C16orf92: variants seen among roughly 807,000 people sequenced by gnomAD.
The protein encoded by C16orf92 is fertilization-influencing membrane protein 1, also known as fertilization-influencing membrane protein.
A neutral mutation model predicts 13.7 loss-of-function variants in C16orf92; 14 were observed. That is an observed-to-expected ratio of 1.02 (90% confidence interval 0.67 to 1.60). The LOEUF is 1.60. Ranked by LOEUF, C16orf92 falls within the 40% of genes most tolerant of loss-of-function variation. The pLI is 0.00. For missense variants in C16orf92, 116 were observed against 139.0 expected (o/e 0.83, Z 0.83); for synonymous variants, 50 against 57.4 (o/e 0.87, Z 0.58).
Position 30,023,208 on chromosome 16 carries a change from C to T in C16orf92, c.-133C>T. 1.3e-6 allele frequency: 1 copy of T among 745,064 alleles called. No individual in the cohort carries two copies. The highest frequency in any genetic ancestry group is 2.2e-6 in the Non-Finnish European group (1 of 446,142). The allele number at this position is 745,064 out of a possible 1,614,324, so 46.2% of individuals were successfully genotyped here. ...AAGACTGGTCCCAACCTCTCTTCTC[C>T]TCTCCTCTTCTGATGAGAGTGAGGG... is the stretch of plus-strand genomic sequence containing the variant. On this transcript the variant is annotated 5_prime_UTR_variant, in exon 1 of 4. Transcript: ENST00000681219.
chr16:30,024,176 C>T lies in C16orf92; in HGVS notation c.312-30C>T, dbSNP rs567161668. ...CCAGTTCTAGCGGGGCAGGCTGTGA[C>T]CTCTCCCCTCTGATCTCCATGCCCC... On this transcript the variant is annotated intron_variant, in intron 3 of 3. Transcript: ENST00000681219. The T allele has an allele frequency of 5.0e-6, 8 of 1,613,442 alleles. No individual in the cohort carries two copies. The African/African-American group carries it at 8.0e-5, about 16-fold the overall frequency.
chr16:30,026,743 C>T, downstream of C16orf92: 1 of 1,614,154 alleles, frequency 6.2e-7, no homozygotes, highest in Non-Finnish European at 8.5e-7. Flanking sequence ...CCTCCATGCC[C>T]TTTGACCTGG....
chr16:30,023,301 G>A lies in C16orf92; in HGVS notation c.-40G>A, dbSNP rs2070941236. ...CCAAAGTGCCATCAGAACAGCTCTG[G>A]GCTGTGACATCACAGAGCCCCCACC... On this transcript the variant is annotated 5_prime_UTR_variant, in exon 1 of 4. An upstream open reading frame in the 5' UTR gains an earlier in-frame stop. Transcript: ENST00000681219. 2 of 1,556,862 alleles carry A rather than the reference G, an allele frequency of 1.3e-6. No individual in the cohort carries two copies.
chr16:30,026,389 C>T (rs564125210), downstream of C16orf92, among the ~76,000 whole-genome samples: 21 of 152,296 alleles, frequency 1.4e-4, no homozygotes, highest in Non-Finnish European at 2.6e-4. Flanking sequence ...CAAAGAGCCA[C>T]AGCCGGGCAT....
chr16:30,026,302 C>A (rs143199746), downstream of C16orf92, among the ~76,000 whole-genome samples: 1 of 152,152 alleles, frequency 6.6e-6, no homozygotes, highest in Non-Finnish European at 1.5e-5. Flanking sequence ...GCATCCCTCT[C>A]ACGGTCCTGC....
Position 30,024,580 on chromosome 16 carries a change from C to T in C16orf92, c.*353C>T. Reference sequence around the variant, plus strand: ...GTGCAGCCGATGGTGAGGGACTGGGCGCCCTCGCCTGCCCCCGGGGTTGTC... The same window carrying T: ...GTGCAGCCGATGGTGAGGGACTGGGTGCCCTCGCCTGCCCCCGGGGTTGTC... On this transcript the variant is annotated 3_prime_UTR_variant, in exon 4 of 4. Transcript: ENST00000681219. 1 of 331,614 alleles carries T rather than the reference C, an allele frequency of 3.0e-6. No homozygotes were observed. The highest frequency in any genetic ancestry group is 5.5e-6 in the Non-Finnish European group (1 of 180,712). 20.5% of individuals were successfully genotyped at this position (331,614 alleles called of 1,614,324 possible). A position where few individuals can be genotyped will look rare whatever the true frequency, so the allele number is the denominator to read the frequency against.
At position 30,024,409 on chromosome 16, in the gene C16orf92, T is replaced by C. The variant is rs2070993165; in HGVS notation, c.*182T>C. On this transcript the variant is annotated 3_prime_UTR_variant, in exon 4 of 4. Coordinates refer to ENST00000681219, the MANE Select transcript of C16orf92 (RefSeq NM_001109659.2). ...CCTCCCTTCCCAGCCCCAAAGAACT[T>C]GGTGGCAAGGGCCTTGGTGGCGTTC... 1.2e-6 allele frequency: 1 copy of C among 848,512 alleles called. No homozygotes were observed. The highest frequency in any genetic ancestry group is 2.9e-5 in the Admixed American group (1 of 34,360). 52.6% of individuals were successfully genotyped at this position (848,512 alleles called of 1,614,324 possible). A position where few individuals can be genotyped will look rare whatever the true frequency, so the allele number is the denominator to read the frequency against.
At chr16:30,027,232 G>A, downstream of C16orf92, 2 of 456,384 alleles carry the variant, frequency 4.4e-6, no homozygotes, top group Non-Finnish European at 4.4e-6. Context: ...ACCAGCAACA[G>A]CTGAAGGGGC....
At position 30,023,288 on chromosome 16, in the gene C16orf92, C is replaced by T. The variant is rs2070940913; in HGVS notation, c.-53C>T. 4 of 1,523,014 alleles carry T rather than the reference C, an allele frequency of 2.6e-6. No homozygotes were observed. Among genetic ancestry groups the T allele is most frequent in the Non-Finnish European group, 3.6e-6 (4 of 1,117,836 alleles). The allele number at this position is 1,523,014 out of a possible 1,614,324, so 94.3% of individuals were successfully genotyped here. A position where few individuals can be genotyped will look rare whatever the true frequency, so the allele number is the denominator to read the frequency against. On this transcript the variant is annotated 5_prime_UTR_variant, in exon 1 of 4. The change creates a premature stop within an existing upstream ORF in the 5' untranslated region. Coordinates refer to ENST00000681219, the MANE Select transcript of C16orf92 (RefSeq NM_001109659.2). ...TTCTCCCCTCACCCCAAAGTGCCAT[C>T]AGAACAGCTCTGGGCTGTGACATCA...
At chr16:30,025,497 C>T, downstream of C16orf92, 3 of 1,608,904 alleles carry the variant, frequency 1.9e-6, no homozygotes, top group Non-Finnish European at 2.5e-6. The surrounding 1 kb of genome is among the most constrained non-coding windows in gnomAD (Gnocchi z 4.1). Flanking sequence ...GTGGCCACGG[C>T]AGCAGAAGGG....
chr16:30,025,842 G>T (rs763831641), downstream of C16orf92: 2 of 1,599,710 alleles, frequency 1.3e-6, no homozygotes, highest in South Asian at 1.1e-5. The surrounding 1 kb of genome is among the most constrained non-coding windows in gnomAD (Gnocchi z 4.1). Context: ...AGGCAGGAAG[G>T]TGAGGAGCTG....
At chr16:30,026,989 A>C (rs2150977168), downstream of C16orf92, 3 of 730,110 alleles carry the variant, frequency 4.1e-6, no homozygotes, top group Non-Finnish European at 7.3e-6. Flanking sequence ...GAGGGTGAGA[A>C]ACTTGCCCAA....
downstream of C16orf92, chr16:30,026,898 T>A: frequency 6.8e-7 from 1 of 1,478,858 alleles, no homozygotes; most frequent in Non-Finnish European, 9.4e-7. Context: ...ACACCAGTGA[T>A]TGGGGTCAGA....
In C16orf92 at chr16:30,024,040, C is replaced by T. The variant is rs752342527; in HGVS notation, c.265C>T (p.Leu89=). The T allele has an allele frequency of 6.2e-7, 1 of 1,614,086 alleles. No homozygotes were observed. Among genetic ancestry groups the T allele is most frequent in the East Asian group, 2.2e-5 (1 of 44,886 alleles). Residue 89 remains leucine, a synonymous_variant, in exon 3 of 4, where the codon CTG becomes TTG. Coordinates refer to ENST00000681219, the MANE Select transcript of C16orf92 (RefSeq NM_001109659.2). ...GLFHHILVGL[L]VVAFFFLLFQ... is the part of the protein sequence containing the mutation. Reference sequence around the variant, plus strand: ...CTTCCATCACATCCTGGTGGGCTTGCTGGTGGTGGCGTTCTTCTTTCTCCT... The same window carrying T: ...CTTCCATCACATCCTGGTGGGCTTGTTGGTGGTGGCGTTCTTCTTTCTCCT...
At chr16:30,025,982 C>T (rs879307122), downstream of C16orf92, among the ~76,000 whole-genome samples, 6 of 151,412 alleles carry the variant, frequency 4.0e-5, no homozygotes, top group Middle Eastern at 3.4e-3. The surrounding 1 kb of genome is among the most constrained non-coding windows in gnomAD (Gnocchi z 4.1). Context: ...GCCGGTAATC[C>T]CAGCACTTTG....
chr16:30,023,416 T>C lies in C16orf92; in HGVS notation c.64+12T>C. The C allele has an allele frequency of 6.2e-7, 1 of 1,610,634 alleles. No homozygotes were observed. Among genetic ancestry groups the C allele is most frequent in the Non-Finnish European group, 8.5e-7 (1 of 1,178,662 alleles). On this transcript the variant is annotated intron_variant, in intron 1 of 3. Coordinates refer to ENST00000681219, the MANE Select transcript of C16orf92 (RefSeq NM_001109659.2). ...GGCCATAGAAACTGGTAAGAAGCTGTCTTGGGAGCAGCAGGAAGGCAGGCA... is the reference window on the plus strand; with the variant it reads ...GGCCATAGAAACTGGTAAGAAGCTGCCTTGGGAGCAGCAGGAAGGCAGGCA...
chr16:30,027,065 C>T (rs2071175877), downstream of C16orf92: 4 of 663,060 alleles, frequency 6.0e-6, no homozygotes, highest in Non-Finnish European at 1.1e-5. Flanking sequence ...TCAGAACTCA[C>T]CCATGTTCCT....
At chr16:30,026,566 G>A (rs765976188), downstream of C16orf92, 5 of 1,559,246 alleles carry the variant, frequency 3.2e-6, no homozygotes, top group Admixed American at 1.7e-5. Flanking sequence ...GGACCAAGGA[G>A]CAGGCCACCC....
At chr16:30,027,371 C>A (rs2071194305), downstream of C16orf92, among the ~76,000 whole-genome samples, 1 of 152,218 alleles carries the variant, frequency 6.6e-6, no homozygotes, top group South Asian at 2.1e-4. Context: ...TAGGTGTGGC[C>A]ATCATCCCCA....
Sources: gnomAD v4.1 joint callset for allele counts (sites outside exome capture counted in the v4.1 genomes callset) on GRCh38, gnomAD v4.1.1 for gene constraint, Gnocchi (gnomAD v3.1) non-coding constraint, MANE v1.5 for transcripts, NCBI Gene and HGNC (gene_info 2026-07-23, HGNC 2026-07-21) for gene names.